ZNF496: variants seen among roughly 807,000 people sequenced by gnomAD.
ZNF496 encodes the protein zinc finger protein 496.
Under a neutral mutation model 58.9 loss-of-function variants are expected in ZNF496, and 11 were observed. The observed-to-expected ratio is 0.19, with a 90% CI of 0.12 to 0.31. The LOEUF is 0.31. ZNF496 is among the 10% of genes least tolerant of loss of function. The pLI is 1.00. For missense variants in ZNF496, 660 were observed against 783.0 expected (o/e 0.84, Z 1.88); for synonymous variants, 338 against 318.2 (o/e 1.06, Z -0.66).
intron 6 of ZNF496, chr1:247,322,877 A>G (rs571969239): frequency 1.9e-6 from 2 of 1,030,650 alleles, no homozygotes; most frequent in African/African-American, 3.2e-5. Context: ...GAGGCCCATC[A>G]ATGGGGACTC....
At chr1:247,315,156 T>TA (rs149978463) in intron 6 of ZNF496, among the ~76,000 whole-genome samples, 57 of 134,000 alleles carry the variant, frequency 4.3e-4, no homozygotes, top group South Asian at 1.2e-3. Flanking sequence ...GATGTTAATA[T>TA]AAAAAAAAAA....
intron 6 of ZNF496, among the ~76,000 whole-genome samples, chr1:247,316,140 GT>G (rs2103025174): frequency 1.2e-5 from 1 of 82,620 alleles, no homozygotes; most frequent in Admixed American, 1.1e-4. Context: ...AGAGGGGTGT[GT>G]GTGTGTGTGT....
intron 7 of ZNF496, chr1:247,310,110 G>A (rs1320478732): frequency 8.4e-6 from 12 of 1,432,228 alleles, no homozygotes; most frequent in Non-Finnish European, 1.1e-5. Flanking sequence ...TGATAAGCCT[G>A]ATGTGGCGAG....
chr1:247,325,811 G>A (rs929858151), intron 5 of ZNF496, among the ~76,000 whole-genome samples: 2 of 151,996 alleles, frequency 1.3e-5, no homozygotes, highest in Admixed American at 1.3e-4. Flanking sequence ...TGGTGTTTTA[G>A]TTCTGCTTCC....
Position 247,329,294 on chromosome 1 carries a change from G to A in ZNF496, c.285C>T (p.Pro95=). ...CCCGCACCCAGCTCTGGATCTCCCGGGGCAGGATGGCCAGGAACTGCTCCA... is the reference window on the plus strand; with the variant it reads ...CCCGCACCCAGCTCTGGATCTCCCGAGGCAGGATGGCCAGGAACTGCTCCA... ...LVLEQFLAIL[P]REIQSWVRAQ... The change falls in exon 4 of 10, where the codon CCC becomes CCT. Residue 95 remains proline (P), a synonymous_variant. Transcript: ENST00000682384. This position sits in a 1 kb window ranked among gnomAD's most constrained non-coding sequence, Gnocchi z 5.5. 6.2e-7 allele frequency: 1 copy of A among 1,613,626 alleles called. No homozygotes were observed.
chr1:247,320,722 T>A (rs1312318642), intron 6 of ZNF496, among the ~76,000 whole-genome samples: 3 of 152,208 alleles, frequency 2.0e-5, no homozygotes, highest in Non-Finnish European at 2.9e-5. Flanking sequence ...ATGAGAAGAT[T>A]CATTTAAAAA....
In ZNF496 at chr1:247,309,966, G is replaced by C; in HGVS notation, c.785-160C>G. 1.5e-6 allele frequency: 2 copies of C among 1,315,654 alleles called. No homozygotes were observed. The highest frequency in any genetic ancestry group is 2.0e-6 in the Non-Finnish European group (2 of 984,990). 81.5% of individuals were successfully genotyped at this position (1,315,654 alleles called of 1,614,324 possible). A position where few individuals can be genotyped will look rare whatever the true frequency, so the allele number is the denominator to read the frequency against. ...AGAGCTGGCAGTGCAGGGGCAGTGG[G>C]GGCAGCACACGCAGGGAGAGCTATG... On this transcript the variant is annotated intron_variant, in intron 7 of 9. Coordinates refer to ENST00000682384, the MANE Select transcript of ZNF496 (RefSeq NM_032752.3). The surrounding 1 kb of genome is among the most constrained non-coding windows in gnomAD (Gnocchi z 4.3).
At chr1:247,316,506 G>A (rs953249923) in intron 6 of ZNF496, among the ~76,000 whole-genome samples, 1 of 152,066 alleles carries the variant, frequency 6.6e-6, no homozygotes, top group African/African-American at 2.4e-5. Context: ...AAGCGCGTCA[G>A]GACACTCAGC....
chr1:247,327,148 T>A (rs938502766), intron 5 of ZNF496, among the ~76,000 whole-genome samples: 5 of 152,152 alleles, frequency 3.3e-5, no homozygotes, highest in Non-Finnish European at 7.3e-5. Context: ...CACTGCAATC[T>A]CCGCCTCCCA....
intron 5 of ZNF496, among the ~76,000 whole-genome samples, chr1:247,324,791 T>C: frequency 6.6e-6 from 1 of 152,350 alleles, no homozygotes; most frequent in African/African-American, 2.4e-5. Context: ...GTTACCACTG[T>C]AGGTACTCCT....
chr1:247,300,620 A>C lies in ZNF496; in HGVS notation c.1663T>G (p.Cys555Gly), dbSNP rs1404813814. 6.2e-7 allele frequency: 1 copy of C among 1,614,098 alleles called. No individual in the cohort carries two copies. Among genetic ancestry groups the C allele is most frequent in the Non-Finnish European group, 8.5e-7 (1 of 1,180,022 alleles). ...HLKDKARPFQ[C>G]RYCVKSFTQN... Reference sequence around the variant, plus strand: ...GTGAAGCTCTTGACGCAGTACCGGCACTGGAAGGGCCGGGCTTTGTCCTTC... The same window carrying C: ...GTGAAGCTCTTGACGCAGTACCGGCCCTGGAAGGGCCGGGCTTTGTCCTTC... Residue 555 changes from cysteine (C) to glycine (G), a missense_variant, in exon 10 of 10, where the codon TGC becomes GGC. Coordinates refer to ENST00000682384, the MANE Select transcript of ZNF496 (RefSeq NM_032752.3). This position sits in a 1 kb window ranked among gnomAD's most constrained non-coding sequence, Gnocchi z 5.7.
chr1:247,314,480 T>C (rs1191961616), intron 6 of ZNF496, among the ~76,000 whole-genome samples: 4 of 152,174 alleles, frequency 2.6e-5, no homozygotes, highest in South Asian at 2.1e-4. Flanking sequence ...GGTATATCCA[T>C]ATAATACTAG....
At chr1:247,324,146 GA>G (rs1433923858) in intron 5 of ZNF496, among the ~76,000 whole-genome samples, 2 of 147,266 alleles carry the variant, frequency 1.4e-5, no homozygotes, top group Admixed American at 6.8e-5. Context: ...CATAAAAAAA[GA>G]AGGAAAATCC....
rs1031518733 is a variant in ZNF496 at position 247,329,803 on chromosome 1, C to T, written c.-38+163G>A. 6.6e-6 allele frequency among the ~76,000 whole-genome samples: 1 copy of T among 152,108 alleles called. No individual in the cohort carries two copies. The highest frequency in any genetic ancestry group is 1.5e-5 in the Non-Finnish European group (1 of 68,006). On this transcript the variant is annotated intron_variant, in intron 3 of 9. Transcript: ENST00000682384. The surrounding 1 kb of genome is among the most constrained non-coding windows in gnomAD (Gnocchi z 5.5). ...GAAACAGACAGAAAGATGCCCTCCC[C>T]CCATCAGTACCATTACGTGTGGATT... is the stretch of plus-strand genomic sequence containing the variant.
At position 247,328,746 on chromosome 1, in the gene ZNF496, T is replaced by C. The variant is rs753860949; in HGVS notation, c.511A>G (p.Ile171Val). ...DLAKNQDAQP[I>V]TLAQCLGLPS... ...AGCCCCAGGCACTGTGCCAGGGTTATGGGCTGGGCATCCTGGTTCTTTGCA... is the reference window on the plus strand; with the variant it reads ...AGCCCCAGGCACTGTGCCAGGGTTACGGGCTGGGCATCCTGGTTCTTTGCA... The change falls in exon 5 of 10, where the codon ATA becomes GTA. Residue 171 changes from isoleucine to valine, a missense_variant. By Grantham distance (29) the Ile-to-Val change is conservative (BLOSUM62 3). Coordinates refer to ENST00000682384, the MANE Select transcript of ZNF496 (RefSeq NM_032752.3). 2 of 1,613,606 alleles carry C rather than the reference T, an allele frequency of 1.2e-6. No homozygotes were observed. Among genetic ancestry groups the C allele is most frequent in the Non-Finnish European group, 8.5e-7 (1 of 1,179,800 alleles).
rs1486377603 is a variant in ZNF496 at position 247,309,426 on chromosome 1, A to G, written c.892+273T>C. On this transcript the variant is annotated intron_variant, in intron 8 of 9. Coordinates refer to ENST00000682384, the MANE Select transcript of ZNF496 (RefSeq NM_032752.3). The surrounding 1 kb of genome is among the most constrained non-coding windows in gnomAD (Gnocchi z 4.3). ...GGCTGCTGCATTGTCAGCACAAACC[A>G]GATGTTACTTACAGGCAGAGGAGAA... 3 of 1,292,994 alleles carry G rather than the reference A, an allele frequency of 2.3e-6. No homozygotes were observed. The highest frequency in any genetic ancestry group is 2.9e-6 in the Non-Finnish European group (3 of 1,018,178). The allele number at this position is 1,292,994 out of a possible 1,614,324, so 80.1% of individuals were successfully genotyped here.
rs1659480105 is a variant in ZNF496 at position 247,308,276 on chromosome 1, C to A, written c.1006+199G>T. ...ATCACCACCGCACATTTACATCACA[C>A]ACCCACATGCCCCCAACACACAGGT... On this transcript the variant is annotated intron_variant, in intron 9 of 9. Transcript: ENST00000682384. This position sits in a 1 kb window ranked among gnomAD's most constrained non-coding sequence, Gnocchi z 4.5. Among the ~76,000 whole-genome samples the A allele has an allele frequency of 2.0e-5, 3 of 152,218 alleles. No individual in the cohort carries two copies. Among genetic ancestry groups the A allele is most frequent in the Admixed American group, 2.0e-4 (3 of 15,292 alleles).
At chr1:247,304,389 G>A (rs1280789907) in intron 9 of ZNF496, among the ~76,000 whole-genome samples, 1 of 125,258 alleles carries the variant, frequency 8.0e-6, no homozygotes, top group Admixed American at 8.3e-5. Flanking sequence ...TTTTTTTTTT[G>A]AGATGGGGTT....
At chr1:247,323,023 T>C in intron 6 of ZNF496, 131 bp downstream of exon 6, 1 of 793,574 alleles carries the variant, frequency 1.3e-6, no homozygotes, top group South Asian at 1.8e-5. Flanking sequence ...TCTGCCTATT[T>C]TAGCTTTTCT....
Sources: allele counts gnomAD v4.1 joint callset (sites outside exome capture counted in the v4.1 genomes callset), GRCh38; gene constraint gnomAD v4.1.1; non-coding constraint Gnocchi (gnomAD v3.1); transcripts MANE v1.5; gene names NCBI Gene and HGNC (gene_info 2026-07-23, HGNC 2026-07-21).